Variants in TP73 observed in about 807,000 individuals in gnomAD.
The protein encoded by TP73 is p53-like transcription factor.
In TP73, 25 loss-of-function variants were observed where a neutral mutation model predicts 62.5. That is an observed-to-expected ratio of 0.40 (90% CI 0.29 to 0.56). The LOEUF is 0.56. Ranked by LOEUF, TP73 falls within the 20% of genes least tolerant of loss-of-function variation. The pLI is 0.46. For missense variants in TP73, 754 were observed against 913.3 expected (o/e 0.83, Z 2.25); for synonymous variants, 423 against 377.5 (o/e 1.12, Z -1.40).
chr1:3,723,424 T>C lies in TP73; in HGVS notation c.687T>C (p.Pro229=), dbSNP rs149245387. ...ATCTCTCGCAGTATGTGGATGACCC[T>C]GTCACCGGCAGGCAGAGCGTCGTGG... is the stretch of plus-strand genomic sequence containing the variant. ...GNNLSQYVDD[P]VTGRQSVVVP... is the part of the protein sequence containing the mutation. Residue 229 remains proline (P), a synonymous_variant, in exon 6 of 14, where the codon CCT becomes CCC. Coordinates refer to ENST00000378295, the MANE Select transcript of TP73 (RefSeq NM_005427.4). 3.6e-4 allele frequency: 587 copies of C among 1,611,924 alleles called. 5 individuals are homozygous for C. Among genetic ancestry groups the C allele is most frequent in the Admixed American group, 1.2e-4 (7 of 59,962 alleles).
intron 3 of TP73, among the ~76,000 whole-genome samples, chr1:3,695,482 TC>T (rs1277695305): frequency 6.6e-6 from 1 of 152,156 alleles, no homozygotes; most frequent in African/African-American, 2.4e-5. Flanking sequence ...ACCCTGCCCC[TC>T]CGCATGGTGG....
intron 3 of TP73, among the ~76,000 whole-genome samples, chr1:3,692,169 G>A (rs1318072218): frequency 6.6e-6 from 1 of 152,138 alleles, no homozygotes; most frequent in Non-Finnish European, 1.5e-5. Context: ...TGTGTGATTT[G>A]GGTGGGTAGG....
intron 4 of TP73, among the ~76,000 whole-genome samples, chr1:3,710,361 T>G (rs1193110943): frequency 6.6e-6 from 1 of 152,150 alleles, no homozygotes; most frequent in African/African-American, 2.4e-5. Flanking sequence ...CACCAGGGCT[T>G]CTTTCCTTGC....
At position 3,723,302 on chromosome 1, in the gene TP73, C is replaced by T. The variant is rs1213606907; in HGVS notation, c.617-52C>T. 12 of 1,462,912 alleles carry T rather than the reference C, an allele frequency of 8.2e-6. No individual in the cohort carries two copies. The Admixed American group carries it at 2.1e-4, about 25-fold the overall frequency. The allele number at this position is 1,462,912 out of a possible 1,614,324, so 90.6% of individuals were successfully genotyped here. On this transcript the variant is annotated intron_variant, in intron 5 of 13. Transcript: ENST00000378295. ...GCTGGGCACCTCTCTGCACCTAGCACAGGGGTGGGCACCTCTATGCACCTC... is the reference window on the plus strand; with the variant it reads ...GCTGGGCACCTCTCTGCACCTAGCATAGGGGTGGGCACCTCTATGCACCTC...
At chr1:3,673,667 C>T (rs1165113451) in intron 1 of TP73, among the ~76,000 whole-genome samples, 2 of 152,158 alleles carry the variant, frequency 1.3e-5, no homozygotes, top group African/African-American at 2.4e-5. Flanking sequence ...GGCTTCAGGG[C>T]ACGAAGCGGT....
rs551885085 is a variant in TP73 at position 3,699,750 on chromosome 1, G to A, written c.187-7799G>A. On this transcript the variant is annotated intron_variant, in intron 3 of 13. Transcript: ENST00000378295. The surrounding 1 kb of genome is among the most constrained non-coding windows in gnomAD (Gnocchi z 4.1). ...CAGGGATGCTCGGGCGGGGGCAGGAGCTGGAGAGGTGACAGGAGCGAGGGA... is the reference window on the plus strand; with the variant it reads ...CAGGGATGCTCGGGCGGGGGCAGGAACTGGAGAGGTGACAGGAGCGAGGGA... Among the ~76,000 whole-genome samples, 18 of 152,346 alleles carry A rather than the reference G, an allele frequency of 1.2e-4. No individual in the cohort carries two copies. The highest frequency in any genetic ancestry group is 2.6e-4 in the Admixed American group (4 of 15,306).
In TP73 at chr1:3,679,133, C is replaced by T. The variant is rs117122665; in HGVS notation, c.-33-3200C>T. ...TCAGGGGATGTGGAAGCTGGGTCTCCGGCAGGCAGAGGCGCGCTGACAAGA... is the reference window on the plus strand; with the variant it reads ...TCAGGGGATGTGGAAGCTGGGTCTCTGGCAGGCAGAGGCGCGCTGACAAGA... On this transcript the variant is annotated intron_variant, in intron 1 of 13. Transcript: ENST00000378295. Among the ~76,000 whole-genome samples, 970 of 152,294 alleles carry T rather than the reference C, an allele frequency of 6.4e-3. 23 individuals are homozygous for T. The East Asian group carries it at 0.094, about 15-fold the overall frequency.
chr1:3,693,564 G>T (rs1450384708), intron 3 of TP73, among the ~76,000 whole-genome samples: 1 of 152,142 alleles, frequency 6.6e-6, no homozygotes, highest in Non-Finnish European at 1.5e-5. Context: ...TCTCCTCTAT[G>T]ATGAGGACGG....
At chr1:3,687,485 G>C (rs966862709) in intron 3 of TP73, among the ~76,000 whole-genome samples, 1 of 152,222 alleles carries the variant, frequency 6.6e-6, no homozygotes, top group Non-Finnish European at 1.5e-5. Context: ...CACCCGAGGA[G>C]TCTCTGCAGT....
At chr1:3,665,657 CTTT>C (rs58949374) in intron 1 of TP73, among the ~76,000 whole-genome samples, 29 of 137,566 alleles carry the variant, frequency 2.1e-4, no homozygotes, top group Admixed American at 2.9e-4. Flanking sequence ...TCTCTCTTTT[CTTT>C]TTTTTTTTTT....
intron 3 of TP73, among the ~76,000 whole-genome samples, chr1:3,694,847 T>C (rs77052723): frequency 0.023 from 375 of 16,340 alleles, 1 homozygote; most frequent in Non-Finnish European, 0.05. Context: ...CCCCTCCTCC[T>C]GCAATCCCAG....
At chr1:3,721,044 G>A (rs963947562) in intron 4 of TP73, among the ~76,000 whole-genome samples, 1 of 152,242 alleles carries the variant, frequency 6.6e-6, no homozygotes, top group Non-Finnish European at 1.5e-5. Flanking sequence ...ATTCCTGATG[G>A]CCCTTTGGGG....
intron 1 of TP73, among the ~76,000 whole-genome samples, chr1:3,653,360 C>T (rs1020723468): frequency 5.3e-5 from 8 of 152,266 alleles, no homozygotes; most frequent in Non-Finnish European, 1.2e-4. Flanking sequence ...TGGGCCGCCT[C>T]CTCCTGCAGC....
rs984437997 is a variant in TP73 at position 3,730,178 on chromosome 1, G to A, written c.1345+30G>A. ...GTCCCTTGGGCAGTGCGGGCCCACG[G>A]GCAGGGCGGGGAGGCCCACTGGGGG... On this transcript the variant is annotated intron_variant, in intron 11 of 13. Coordinates refer to ENST00000378295, the MANE Select transcript of TP73 (RefSeq NM_005427.4). 6 of 1,498,142 alleles carry A rather than the reference G, an allele frequency of 4.0e-6. No individual in the cohort carries two copies. The African/African-American group carries it at 8.3e-5, about 21-fold the overall frequency. 92.8% of individuals were successfully genotyped at this position (1,498,142 alleles called of 1,614,324 possible). A position where few individuals can be genotyped will look rare whatever the true frequency, so the allele number is the denominator to read the frequency against.
rs1006104355 is a variant in TP73 at position 3,699,935 on chromosome 1, G to A, written c.187-7614G>A. On this transcript the variant is annotated intron_variant, in intron 3 of 13. Coordinates refer to ENST00000378295, the MANE Select transcript of TP73 (RefSeq NM_005427.4). This position sits in a 1 kb window ranked among gnomAD's most constrained non-coding sequence, Gnocchi z 4.1. ...AGAAGGGGGACTGCATGGCCAGACC[G>A]TGGGCTCGGGCCCCAGTCTCCTGAT... is the stretch of plus-strand genomic sequence containing the variant. Among the ~76,000 whole-genome samples the A allele has an allele frequency of 5.9e-5, 9 of 152,230 alleles. No individual in the cohort carries two copies. The highest frequency in any genetic ancestry group is 3.9e-4 in the East Asian group (2 of 5,166).
intron 1 of TP73, among the ~76,000 whole-genome samples, chr1:3,661,317 G>A: frequency 6.6e-6 from 1 of 152,122 alleles, no homozygotes; most frequent in East Asian, 1.9e-4. Context: ...TGATTAAATA[G>A]AATCCCAGAT....
rs560824377 is a variant in TP73, at chr1:3,704,782, G to A, written c.187-2767G>A. Among the ~76,000 whole-genome samples the A allele has an allele frequency of 4.6e-5, 7 of 152,328 alleles. 1 individual carries two copies. The South Asian group carries it at 1.4e-3, about 32-fold the overall frequency. ...GCGGGGCCTGGGCTGTGCGACCAGA[G>A]CCTGGCACTGCCCCTTGTCACCCCC... On this transcript the variant is annotated intron_variant, in intron 3 of 13. Coordinates refer to ENST00000378295, the MANE Select transcript of TP73 (RefSeq NM_005427.4).
chr1:3,656,418 T>C (rs1216417222), intron 1 of TP73, among the ~76,000 whole-genome samples: 2 of 152,240 alleles, frequency 1.3e-5, no homozygotes, highest in Non-Finnish European at 2.9e-5. Flanking sequence ...CCAACTCTTG[T>C]TTTTTAATGT....
intron 1 of TP73, among the ~76,000 whole-genome samples, chr1:3,658,306 T>C (rs1487703881): frequency 6.6e-6 from 1 of 152,206 alleles, no homozygotes; most frequent in Non-Finnish European, 1.5e-5. Flanking sequence ...CCCTACGGGG[T>C]TCTTGTCAAT....
Sources: allele counts gnomAD v4.1 joint callset (sites outside exome capture counted in the v4.1 genomes callset), GRCh38; gene constraint gnomAD v4.1.1; non-coding constraint Gnocchi (gnomAD v3.1); transcripts MANE v1.5; gene names NCBI Gene and HGNC (gene_info 2026-07-23, HGNC 2026-07-21).